FOXP2: variants seen among roughly 807,000 people sequenced by gnomAD.
The protein encoded by FOXP2 is forkhead box protein P2.
In FOXP2, 12 loss-of-function variants were observed where a neutral mutation model predicts 115.8. The ratio of observed to expected loss-of-function variants is 0.10; its 90% confidence interval spans 0.07 to 0.17. The LOEUF is 0.17. FOXP2 is among the 10% of genes least tolerant of loss of function. The pLI, the probability that FOXP2 is intolerant of heterozygous loss-of-function variation, is 1.00. For synonymous variants in FOXP2, 328 were observed against 297.7 expected (o/e 1.10, Z -1.05); for missense variants, 629 against 843.5 (o/e 0.75, Z 3.15).
chr7:114,642,767 T>C (rs1370448229), intron 7 of FOXP2, 144 bp downstream of exon 7: 3 of 274,370 alleles, frequency 1.1e-5, no homozygotes, highest in Non-Finnish European at 2.0e-5. Context: ...TTATTTATCT[T>C]ATTTTATATA....
chr7:114,648,004 G>A (rs1206101946), intron 8 of FOXP2, among the ~76,000 whole-genome samples: 1 of 152,008 alleles, frequency 6.6e-6, no homozygotes, highest in Non-Finnish European at 1.5e-5. Flanking sequence ...GTAGATGGGT[G>A]TAAATGAGTT....
At chr7:114,439,158 C>G (rs939472221) in intron 2 of FOXP2, among the ~76,000 whole-genome samples, 2 of 152,070 alleles carry the variant, frequency 1.3e-5, no homozygotes, top group Admixed American at 1.3e-4. Flanking sequence ...TCCAAGATGA[C>G]CTTGGATAAG....
intron 1 of FOXP2, among the ~76,000 whole-genome samples, chr7:114,118,078 T>C (rs1278384064): frequency 1.3e-5 from 2 of 152,190 alleles, no homozygotes; most frequent in Non-Finnish European, 2.9e-5. Flanking sequence ...ACATTAAGTC[T>C]GTTACACCCA....
chr7:114,617,508 G>A (rs961984150), intron 3 of FOXP2, among the ~76,000 whole-genome samples: 1 of 152,068 alleles, frequency 6.6e-6, no homozygotes, highest in African/African-American at 2.4e-5. Context: ...ATCCAGAAAT[G>A]CTTGGCTGGG....
chr7:114,321,968 TTGA>T (rs1356607736), intron 2 of FOXP2, among the ~76,000 whole-genome samples: 1 of 152,052 alleles, frequency 6.6e-6, no homozygotes, highest in Non-Finnish European at 1.5e-5. Context: ...CTATGCTCTG[TTGA>T]TGATTTTATT....
chr7:114,305,160 C>T (rs952292222), intron 2 of FOXP2, among the ~76,000 whole-genome samples: 1 of 152,098 alleles, frequency 6.6e-6, no homozygotes, highest in Admixed American at 6.6e-5. Flanking sequence ...TTATTCATCT[C>T]ATCATTTGAT....
chr7:114,187,720 A>G (rs186618010), intron 1 of FOXP2, among the ~76,000 whole-genome samples: 238 of 152,272 alleles, frequency 1.6e-3, no homozygotes, highest in African/African-American at 5.4e-3. Flanking sequence ...TCGTGATACC[A>G]GTTTTTGTCT....
intron 2 of FOXP2, among the ~76,000 whole-genome samples, chr7:114,431,322 G>T (rs1221859877): frequency 6.6e-6 from 1 of 151,826 alleles, no homozygotes; most frequent in Admixed American, 6.6e-5. Context: ...GTTACTGTGC[G>T]CTGACTCTGT....
At chr7:114,349,579 A>G (rs976661422) in intron 2 of FOXP2, among the ~76,000 whole-genome samples, 2 of 151,972 alleles carry the variant, frequency 1.3e-5, no homozygotes, top group African/African-American at 4.8e-5. Context: ...AACTGTTTCT[A>G]AGGTTGTGTT....
intron 1 of FOXP2, among the ~76,000 whole-genome samples, chr7:114,195,911 T>G (rs550798430): frequency 1.3e-5 from 2 of 152,200 alleles, no homozygotes; most frequent in Admixed American, 1.3e-4. Flanking sequence ...GAGCCCAGGA[T>G]TTTGAGTCCA....
chr7:114,150,225 G>C (rs535751242), intron 1 of FOXP2, among the ~76,000 whole-genome samples: 1 of 151,948 alleles, frequency 6.6e-6, no homozygotes, highest in Non-Finnish European at 1.5e-5. Flanking sequence ...TATCTTTTTA[G>C]CATGCAACAA....
chr7:114,300,404 T>G (rs1796851487), intron 2 of FOXP2, among the ~76,000 whole-genome samples: 1 of 152,078 alleles, frequency 6.6e-6, no homozygotes, highest in South Asian at 2.1e-4. Context: ...TGCAAAAATA[T>G]CAGTGATTAT....
At chr7:114,630,355 C>T (rs1033347204) in intron 5 of FOXP2, among the ~76,000 whole-genome samples, 2 of 152,018 alleles carry the variant, frequency 1.3e-5, no homozygotes, top group Non-Finnish European at 2.9e-5. Flanking sequence ...AGAGAACATG[C>T]ATGCAAATTT....
chr7:114,677,771 T>G (rs1355700510), intron 16 of FOXP2, among the ~76,000 whole-genome samples: 1 of 152,240 alleles, frequency 6.6e-6, no homozygotes, highest in African/African-American at 2.4e-5. Flanking sequence ...TGAGGGTGCC[T>G]GTAAAACGGT....
chr7:114,609,847 CT>C (rs1803535712), intron 3 of FOXP2, among the ~76,000 whole-genome samples: 1 of 152,208 alleles, frequency 6.6e-6, no homozygotes, highest in African/African-American at 2.4e-5. Flanking sequence ...TATTCTATAG[CT>C]TGATTTACCT....
At chr7:114,376,957 C>A (rs1357288857) in intron 2 of FOXP2, among the ~76,000 whole-genome samples, 1 of 152,060 alleles carries the variant, frequency 6.6e-6, no homozygotes, top group African/African-American at 2.4e-5. Flanking sequence ...TCTCAGTTTC[C>A]TCTGAATATT....
chr7:114,154,536 C>A (rs752925037), intron 1 of FOXP2, among the ~76,000 whole-genome samples: 2 of 151,986 alleles, frequency 1.3e-5, no homozygotes, highest in Non-Finnish European at 2.9e-5. Flanking sequence ...AGTTTTGATA[C>A]CCTTATTTGA....
intron 6 of FOXP2, among the ~76,000 whole-genome samples, chr7:114,633,485 A>G (rs1368242225): frequency 6.6e-6 from 1 of 152,140 alleles, no homozygotes; most frequent in Non-Finnish European, 1.5e-5. Flanking sequence ...GAAAATTTAT[A>G]TTTTAAAAAG....
intron 3 of FOXP2, among the ~76,000 whole-genome samples, chr7:114,575,543 T>G (rs1801527861): frequency 6.6e-6 from 1 of 151,826 alleles, no homozygotes; most frequent in Admixed American, 6.6e-5. Flanking sequence ...AAAATAGTGT[T>G]CTCCAAATGC....
Sources: allele counts gnomAD v4.1 joint callset (sites outside exome capture counted in the v4.1 genomes callset), GRCh38; gene constraint gnomAD v4.1.1; transcripts MANE v1.5; gene names NCBI Gene and HGNC (gene_info 2026-07-23, HGNC 2026-07-21).